OPLAH: variants seen among roughly 807,000 people sequenced by gnomAD.
OPLAH encodes 5-oxoprolinase.
OPLAH carries 103 observed loss-of-function variants against 122.8 expected under a neutral mutation model. The observed-to-expected ratio is 0.84, with a 90% CI of 0.71 to 0.99. The LOEUF is 0.99. Among genes scored for constraint, OPLAH ranks in the 50% least tolerant of loss-of-function variants. The pLI is 0.00. For missense variants in OPLAH, 1,902 were observed against 1,836.5 expected (o/e 1.04, Z -0.65); for synonymous variants, 875 against 796.0 (o/e 1.10, Z -1.67).
At chr8:144,054,437 C>T (rs959080060) in intron 19 of OPLAH, 124 bp downstream of exon 19, 5 of 1,067,462 alleles carry the variant, frequency 4.7e-6, no homozygotes, top group South Asian at 1.7e-5. Flanking sequence ...CCACCTATCT[C>T]CTCCCAGCCT....
In OPLAH at chr8:144,055,877, G is replaced by T; in HGVS notation, c.2159C>A (p.Ser720Tyr). 6.3e-7 allele frequency: 1 copy of T among 1,584,432 alleles called. No homozygotes were observed. Among genetic ancestry groups the T allele is most frequent in the Admixed American group, 1.8e-5 (1 of 56,084 alleles). Residue 720 changes from serine to tyrosine, a missense_variant, in exon 16 of 27, where the codon TCC (serine) becomes TAC (tyrosine). Physicochemically the swap from Ser to Tyr is moderately radical, Grantham distance 144. This residue lies in a region of OPLAH where 1,726 missense variants were observed against 1,642.1 expected (regional missense o/e 1.05). Transcript: ENST00000618853. This position sits in a 1 kb window ranked among gnomAD's most constrained non-coding sequence, Gnocchi z 6.5. ...TGTGCCGGGGACTTCGGCCCCCACGGAGATGCAGATGTCCCCTGTCTTGGT... is the reference window on the plus strand; with the variant it reads ...TGTGCCGGGGACTTCGGCCCCCACGTAGATGCAGATGTCCCCTGTCTTGGT... ...EVTKTGDICI[S>Y]VGAEVPGTVG...
At chr8:144,059,500 G>A in intron 3 of OPLAH, 99 bp downstream of exon 3, 1 of 1,260,516 alleles carries the variant, frequency 7.9e-7, no homozygotes, top group Non-Finnish European at 1.1e-6. Flanking sequence ...TGGTGCCCAT[G>A]AGCCATCACT....
In OPLAH at chr8:144,058,611, A is replaced by G. The variant is rs1835590418; in HGVS notation, c.668T>C (p.Met223Thr). 1 of 1,603,364 alleles carries G rather than the reference A, an allele frequency of 6.2e-7. No individual in the cohort carries two copies. The highest frequency in any genetic ancestry group is 8.5e-7 in the Non-Finnish European group (1 of 1,179,336). ...FTHVSLSSEA[M>T]PMVRIVPRGH... Reference sequence around the variant, plus strand: ...CCGAGGGACGATGCGCACCATGGGCATGGCCTCCGAGGACAGTGACACGTG... The same window carrying G: ...CCGAGGGACGATGCGCACCATGGGCGTGGCCTCCGAGGACAGTGACACGTG... Residue 223 changes from methionine to threonine, a missense_variant, in exon 6 of 27, where the codon ATG becomes ACG. By Grantham distance (81) the Met-to-Thr change is moderately conservative. Coordinates refer to ENST00000618853, the MANE Select transcript of OPLAH (RefSeq NM_017570.5).
rs532748525 is a variant in OPLAH, at chr8:144,052,151, T to C, written c.3461+18A>G. 17 of 1,555,860 alleles carry C rather than the reference T, an allele frequency of 1.1e-5. No homozygotes were observed. The South Asian group carries it at 1.9e-4, about 17-fold the overall frequency. On this transcript the variant is annotated intron_variant, in intron 24 of 26. Transcript: ENST00000618853. The stretch of plus-strand genomic sequence containing the variant: ...CTCCCACCCGGCCGTGCCCCCAGCC[T>C]CCGCGCACGCCGCTCACCGGCTCTC...
At chr8:144,050,961 G>C, downstream of OPLAH, 1 of 1,049,278 alleles carries the variant, frequency 9.5e-7, no homozygotes, top group Non-Finnish European at 1.2e-6. Context: ...GCAGGAGAAA[G>C]GGCGCCACCT....
chr8:144,063,484 C>T (rs1436668705), upstream of OPLAH, among the ~76,000 whole-genome samples: 1 of 152,228 alleles, frequency 6.6e-6, no homozygotes, highest in African/African-American at 2.4e-5. The surrounding 1 kb of genome is among the most constrained non-coding windows in gnomAD (Gnocchi z 4.2). Flanking sequence ...CAGGGCCTGG[C>T]ACAGGCTGTT....
chr8:144,058,313 C>T lies in OPLAH; in HGVS notation c.875G>A (p.Gly292Asp), dbSNP rs781945963. ...GSSAVLSGPA[G>D]GVVGYSATTY... ...GGTGGCTGAGTAGCCCACCACGCCG[C>T]CGGCCGGGCCCGAGAGCACAGCACT... Residue 292 changes from glycine to aspartate, a missense_variant, in exon 7 of 27, where the codon GGC becomes GAC. By Grantham distance (94) the Gly-to-Asp change is moderately conservative. Coordinates refer to ENST00000618853, the MANE Select transcript of OPLAH (RefSeq NM_017570.5). The T allele has an allele frequency of 3.1e-6, 5 of 1,603,364 alleles. No homozygotes were observed. The highest frequency in any genetic ancestry group is 4.2e-6 in the Non-Finnish European group (5 of 1,176,882).
upstream of OPLAH, among the ~76,000 whole-genome samples, chr8:144,062,816 C>T (rs976272184): frequency 2.0e-5 from 3 of 152,040 alleles, no homozygotes; most frequent in African/African-American, 4.8e-5. Flanking sequence ...CACTCACAGA[C>T]GAAACCTCTA....
rs553503071 is a variant in OPLAH at position 144,051,663 on chromosome 8, C to G, written c.3720+66G>C. 270 of 1,371,882 alleles carry G rather than the reference C, an allele frequency of 2.0e-4. No homozygotes were observed. In the African/African-American group the frequency reaches 2.4e-3, roughly 12 times the overall value. The allele number at this position is 1,371,882 out of a possible 1,614,324, so 85.0% of individuals were successfully genotyped here. A position where few individuals can be genotyped will look rare whatever the true frequency, so the allele number is the denominator to read the frequency against. ...CTCTGGTCAGGTCTGCAACTGTTCC[C>G]CCTCTGTGGGATGGGGCCGGGAGGG... On this transcript the variant is annotated intron_variant, in intron 26 of 26. Transcript: ENST00000618853.
At position 144,051,484 on chromosome 8, in the gene OPLAH, GGGGGGGGC is replaced by G; in HGVS notation, c.3721-20_3721-13del. On this transcript the variant is annotated splice_polypyrimidine_tract_variant and intron_variant, in intron 26 of 26. Transcript: ENST00000618853. Reference sequence around the variant, plus strand: ...AGACAGAACACATCCTGTTGGCGCGGGGGGGGGCGGGGAGGCGGGCTCAGTGCAGGCGT... The same window carrying G: ...AGACAGAACACATCCTGTTGGCGCGGGGGGAGGCGGGCTCAGTGCAGGCGT... 1.1e-5 allele frequency: 16 copies of G among 1,470,550 alleles called. No homozygotes were observed. Among genetic ancestry groups the G allele is most frequent in the Non-Finnish European group, 1.4e-5 (15 of 1,106,038 alleles). 91.1% of individuals were successfully genotyped at this position (1,470,550 alleles called of 1,614,324 possible).
At chr8:144,061,997 C>A (rs1235902828), upstream of OPLAH, among the ~76,000 whole-genome samples, 1 of 142,936 alleles carries the variant, frequency 7.0e-6, no homozygotes, top group Admixed American at 7.3e-5. Flanking sequence ...TCCAGCCTGG[C>A]GACAGAGTGA....
At chr8:144,061,269 G>C (rs1835658338), upstream of OPLAH, among the ~76,000 whole-genome samples, 1 of 152,208 alleles carries the variant, frequency 6.6e-6, no homozygotes, top group South Asian at 2.1e-4. Context: ...TAAGTCACAG[G>C]ATGAGATAGG....
rs1362069993 is a variant in OPLAH at position 144,059,855 on chromosome 8, G to C, written c.171+7C>G. On this transcript the variant is annotated splice_region_variant and intron_variant, in intron 2 of 26. Coordinates refer to ENST00000618853, the MANE Select transcript of OPLAH (RefSeq NM_017570.5). The stretch of plus-strand genomic sequence containing the variant: ...GGTCCCTGTCCACCCGCTCCGCCCT[G>C]GCCCACCTGCTCCAGGATGCGGCGG... 15 of 1,612,476 alleles carry C rather than the reference G, an allele frequency of 9.3e-6. No individual in the cohort carries two copies. Among genetic ancestry groups the C allele is most frequent in the Non-Finnish European group, 1.3e-5 (15 of 1,179,776 alleles).
In OPLAH at chr8:144,056,156, T is replaced by C; in HGVS notation, c.2087A>G (p.Asp696Gly). Residue 696 changes from aspartate to glycine, a missense_variant, in exon 15 of 27, where the codon GAC (aspartate) becomes GGC (glycine). By Grantham distance (94) the Asp-to-Gly change is moderately conservative. Transcript: ENST00000618853. ...CCGGACTTCAGCCCACCTGTTACTG[T>C]CGATGATGAGGCAGGGCCCATGGAG... ...HKLHGPCLIIDSNSTILVEPG... is the reference protein window; with the variant it reads ...HKLHGPCLIIGSNSTILVEPG... The C allele has an allele frequency of 1.9e-6, 3 of 1,605,796 alleles. No individual in the cohort carries two copies. The highest frequency in any genetic ancestry group is 2.6e-6 in the Non-Finnish European group (3 of 1,174,292).
Position 144,051,872 on chromosome 8 carries a change from G to A in OPLAH, c.3622+44C>T, listed in dbSNP as rs782161366. 2.7e-5 allele frequency: 32 copies of A among 1,183,192 alleles called. No homozygotes were observed. The South Asian group carries it at 3.9e-4, about 15-fold the overall frequency. 73.3% of individuals were successfully genotyped at this position (1,183,192 alleles called of 1,614,324 possible). ...TCCAGAGAGACCAGGGGCGGGGGTG[G>A]GGGCGGGGGCGGGGAGGGCCGCGAG... On this transcript the variant is annotated intron_variant, in intron 25 of 26. Transcript: ENST00000618853.
Position 144,052,797 on chromosome 8 carries a change from C to T in OPLAH, c.3122G>A (p.Cys1041Tyr). 6.4e-7 allele frequency: 1 copy of T among 1,563,438 alleles called. No individual in the cohort carries two copies. Among genetic ancestry groups the T allele is most frequent in the Non-Finnish European group, 8.7e-7 (1 of 1,155,006 alleles). The stretch of plus-strand genomic sequence containing the variant: ...GAGTGGGATGTCGCGGCCCACCAGA[C>T]AGCGCAGGCAGTAGATGAGGGCGGA... ...TLSALIYCLR[C>Y]LVGRDIPLNQ... Residue 1041 changes from cysteine to tyrosine, a missense_variant, in exon 22 of 27, where the codon TGT (cysteine) becomes TAT (tyrosine). This residue lies in a region of OPLAH where 1,726 missense variants were observed against 1,642.1 expected (regional missense o/e 1.05). Transcript: ENST00000618853.
Position 144,053,214 on chromosome 8 carries a change from T to C in OPLAH, c.2866A>G (p.Ile956Val). 1.2e-6 allele frequency: 2 copies of C among 1,612,578 alleles called. No individual in the cohort carries two copies. Among genetic ancestry groups the C allele is most frequent in the Non-Finnish European group, 1.7e-6 (2 of 1,179,694 alleles). Residue 956 changes from isoleucine (I) to valine (V), a missense_variant, in exon 20 of 27, where the codon ATT becomes GTT. By Grantham distance (29) the Ile-to-Val change is conservative (BLOSUM62 3). This residue lies in a region of OPLAH where 1,726 missense variants were observed against 1,642.1 expected (regional missense o/e 1.05). Transcript: ENST00000618853. ...ACTCCTGTGCCCAGGCCCACCTGAA[T>C]ATGGCCCATGTAGGCCTGCACCACG... ...LDVVQAYMGH[I>V]QANAELAVRD...
chr8:144,059,051 T>TC lies in OPLAH; in HGVS notation c.391dup (p.Glu131GlyfsTer71), dbSNP rs782088663. On this transcript the variant is annotated frameshift_variant, in exon 4 of 27. Coordinates refer to ENST00000618853, the MANE Select transcript of OPLAH (RefSeq NM_017570.5). LOFTEE classifies it high-confidence loss of function. ...GCGTTCGTCCACCTCCAGCACCTCTTCATACAGCACCTCAGGCATGGGCAC... is the reference window on the plus strand; with the variant it reads ...GCGTTCGTCCACCTCCAGCACCTCTTCCATACAGCACCTCAGGCATGGGCAC... 6.9e-6 allele frequency: 11 copies of TC among 1,589,206 alleles called. No individual in the cohort carries two copies. Among genetic ancestry groups the TC allele is most frequent in the Non-Finnish European group, 2.6e-6 (3 of 1,169,546 alleles).
At chr8:144,059,559 T>C in intron 3 of OPLAH, 40 bp downstream of exon 3, 1 of 1,566,628 alleles carries the variant, frequency 6.4e-7, no homozygotes, top group Non-Finnish European at 8.7e-7. Flanking sequence ...CTGGGGGGTG[T>C]ACACCACACA....
Sources: gnomAD v4.1 joint callset for allele counts (sites outside exome capture counted in the v4.1 genomes callset) on GRCh38, gnomAD v4.1.1 for gene constraint, gnomAD v4.1.1 regional missense constraint, Gnocchi (gnomAD v3.1) non-coding constraint, MANE v1.5 for transcripts, NCBI Gene and HGNC (gene_info 2026-07-23, HGNC 2026-07-21) for gene names.